Variants in ZSCAN5B observed in about 807,000 individuals in gnomAD.
The protein encoded by ZSCAN5B is zinc finger and SCAN domain-containing protein 5B.
ZSCAN5B carries 26 observed loss-of-function variants against 25.2 expected under a neutral mutation model. The observed-to-expected ratio is 1.03, with a 90% CI of 0.76 to 1.43. The LOEUF is 1.43. Among genes scored for constraint, ZSCAN5B ranks in the 40% most tolerant of loss-of-function variants. ZSCAN5B has a pLI of 0.00. For missense variants in ZSCAN5B, 745 were observed against 622.1 expected (o/e 1.20, Z -2.10); for synonymous variants, 244 against 240.9 (o/e 1.01, Z -0.12).
intron 1 of ZSCAN5B, among the ~76,000 whole-genome samples, chr19:56,197,079 G>C (rs1177814523): frequency 6.6e-6 from 1 of 152,066 alleles, no homozygotes; most frequent in Non-Finnish European, 1.5e-5. Context: ...GGAGTTCCAG[G>C]CCAGCCTGGG....
At chr19:56,194,798 G>T (rs887142400) in intron 1 of ZSCAN5B, among the ~76,000 whole-genome samples, 1 of 151,954 alleles carries the variant, frequency 6.6e-6, no homozygotes, top group Admixed American at 6.6e-5. Context: ...GTACAGACAG[G>T]GTTTCACCAT....
rs1455934397 is a variant in ZSCAN5B, at chr19:56,190,480, C to A, written c.835G>T (p.Glu279Ter). Residue 279 changes from glutamate (E) to a stop codon, truncating the protein, a stop_gained, in exon 5 of 5, where the codon GAA becomes TAA. Coordinates refer to ENST00000586855, the Ensembl canonical transcript of ZSCAN5B. LOFTEE classifies it low-confidence loss of function (END_TRUNC). ...CTGTTCCCGCTGTGAGTCAAAGCTT[C>A]TCTCTCCACAACGCAGGCAGAAGGT... is the stretch of plus-strand genomic sequence containing the variant. The A allele has an allele frequency of 6.2e-7, 1 of 1,613,934 alleles. No individual in the cohort carries two copies. Among genetic ancestry groups the A allele is most frequent in the Non-Finnish European group, 8.5e-7 (1 of 1,179,966 alleles).
chr19:56,190,663 C>T (rs941855794), intron 4 of ZSCAN5B, 88 bp from the exon 5 acceptor site: 15 of 1,557,552 alleles, frequency 9.6e-6, no homozygotes, highest in Middle Eastern at 1.7e-4. Context: ...CTGACCTTGG[C>T]TGAGAACTTC....
chr19:56,192,784 T>A (rs1390474261), exon 2 of ZSCAN5B: 5 of 1,611,424 alleles, frequency 3.1e-6, no homozygotes, highest in Non-Finnish European at 4.2e-6. Flanking sequence ...CATGAACTGC[T>A]CCATCACCAG....
At chr19:56,197,322 C>T (rs2032823256) in intron 1 of ZSCAN5B, among the ~76,000 whole-genome samples, 1 of 151,604 alleles carries the variant, frequency 6.6e-6, no homozygotes, top group Admixed American at 6.6e-5. Context: ...ACCCTAACCT[C>T]TGCCTCCTGG....
chr19:56,190,119 C>G (rs202218504), exon 5 of ZSCAN5B: 2 of 1,613,872 alleles, frequency 1.2e-6, no homozygotes, highest in East Asian at 4.5e-5. Flanking sequence ...CTGGTGAACT[C>G]GGAGGTCTGA....
chr19:56,194,400 C>T lies in ZSCAN5B; in HGVS notation c.-127-1221G>A, dbSNP rs560405648. 2.0e-5 allele frequency among the ~76,000 whole-genome samples: 3 copies of T among 152,214 alleles called. No homozygotes were observed. The South Asian group carries it at 6.2e-4, about 32-fold the overall frequency. On this transcript the variant is annotated intron_variant, in intron 1 of 4. Coordinates refer to ENST00000586855, the Ensembl canonical transcript of ZSCAN5B. The stretch of plus-strand genomic sequence containing the variant: ...CCTCAACCTGGGCTCCAGTGATCCT[C>T]CCACCTCAGCTTCCCAAGTAGCTGG...
rs1211141428 is a variant in ZSCAN5B at position 56,190,801 on chromosome 19, G to A, written c.739+36C>T. 3.1e-6 allele frequency: 5 copies of A among 1,606,214 alleles called. No homozygotes were observed. The Admixed American group carries it at 5.1e-5, about 17-fold the overall frequency. On this transcript the variant is annotated intron_variant, in intron 4 of 4. Coordinates refer to ENST00000586855, the Ensembl canonical transcript of ZSCAN5B. The stretch of plus-strand genomic sequence containing the variant: ...CCCAGCCCCGCACCCCAGAAGAGAG[G>A]GACTAACCCCTGTGGATCCAAGTCT...
chr19:56,196,638 C>T (rs1047801620), intron 1 of ZSCAN5B, among the ~76,000 whole-genome samples: 1 of 152,114 alleles, frequency 6.6e-6, no homozygotes. Flanking sequence ...AGGCCTGGTG[C>T]GATGGCTCAC....
chr19:56,197,099 A>G (rs1427601084), intron 1 of ZSCAN5B, among the ~76,000 whole-genome samples: 1 of 152,192 alleles, frequency 6.6e-6, no homozygotes, highest in African/African-American at 2.4e-5. Flanking sequence ...GAAATGAGCG[A>G]GACCCCGTCT....
In ZSCAN5B at chr19:56,191,957, C is replaced by T. The variant is rs745673351; in HGVS notation, c.481G>A (p.Val161Met). 9.9e-6 allele frequency: 16 copies of T among 1,614,054 alleles called. No individual in the cohort carries two copies. Among genetic ancestry groups the T allele is most frequent in the Admixed American group, 1.7e-5 (1 of 60,020 alleles). Residue 161 changes from valine (V) to methionine (M), a missense_variant, in exon 3 of 5, where the codon GTG (valine) becomes ATG (methionine). By Grantham distance (21) the Val-to-Met change is conservative. Transcript: ENST00000586855. Reference sequence around the variant, plus strand: ...ACAGAGGAGGCCCACTGGCTGGACACGTCTCTCGGATCATCTCTGACACTG... The same window carrying T: ...ACAGAGGAGGCCCACTGGCTGGACATGTCTCTCGGATCATCTCTGACACTG...
At chr19:56,196,299 G>C (rs540264692) in intron 1 of ZSCAN5B, among the ~76,000 whole-genome samples, 1 of 152,112 alleles carries the variant, frequency 6.6e-6, no homozygotes, top group East Asian at 1.9e-4. Flanking sequence ...TGATCCCTAT[G>C]CCTCGGCCTC....
At chr19:56,189,848 G>C in exon 5 of ZSCAN5B, 1 of 1,609,632 alleles carries the variant, frequency 6.2e-7, no homozygotes, top group South Asian at 1.1e-5. Context: ...TGGTTTCCCG[G>C]TGTGTTTTCA....
chr19:56,194,535 T>G (rs1184622108), intron 1 of ZSCAN5B, among the ~76,000 whole-genome samples: 2 of 152,058 alleles, frequency 1.3e-5, no homozygotes, highest in African/African-American at 4.8e-5. Context: ...GCTCAAGCGA[T>G]GCGCTTGCTT....
exon 2 of ZSCAN5B, chr19:56,192,954 A>G: frequency 6.2e-7 from 1 of 1,613,252 alleles, no homozygotes; most frequent in African/African-American, 1.3e-5. Context: ...CGTGATTTCC[A>G]AGTTGAGTTT....
At chr19:56,190,864 G>A in exon 4 of ZSCAN5B, 2 of 1,614,122 alleles carry the variant, frequency 1.2e-6, no homozygotes, top group African/African-American at 1.3e-5. Context: ...TGAGGCTCTG[G>A]GGATGACAGT....
In ZSCAN5B at chr19:56,193,072, A is replaced by C. The variant is rs1474328436; in HGVS notation, c.-20T>G. 3 of 1,522,768 alleles carry C rather than the reference A, an allele frequency of 2.0e-6. No homozygotes were observed. Among genetic ancestry groups the C allele is most frequent in the South Asian group, 2.5e-5 (2 of 79,836 alleles). The allele number at this position is 1,522,768 out of a possible 1,614,324, so 94.3% of individuals were successfully genotyped here. A position where few individuals can be genotyped will look rare whatever the true frequency, so the allele number is the denominator to read the frequency against. On this transcript the variant is annotated 5_prime_UTR_variant, in exon 2 of 5. It adds an upstream start codon to the 5' untranslated region. Coordinates refer to ENST00000586855, the Ensembl canonical transcript of ZSCAN5B. ...AGCCATATCTACTGGAGAATATTTC[A>C]ATCAGCCTCTGAGCAAGCTCTTCCA...
At chr19:56,193,382 G>T (rs2032766250) in intron 1 of ZSCAN5B, among the ~76,000 whole-genome samples, 1 of 152,172 alleles carries the variant, frequency 6.6e-6, no homozygotes, top group Non-Finnish European at 1.5e-5. Context: ...ATCTCTAGGG[G>T]ATCATTGTGC....
rs748157897 is a variant in ZSCAN5B at position 56,192,055 on chromosome 19, T to C, written c.385-2A>G. The C allele has an allele frequency of 6.2e-7, 1 of 1,608,836 alleles. No homozygotes were observed. Among genetic ancestry groups the C allele is most frequent in the Non-Finnish European group, 8.5e-7 (1 of 1,177,706 alleles). The stretch of plus-strand genomic sequence containing the variant: ...TTTGCCGAGCAAGTTGACTATAGAC[T>C]GTAGAGAGAAAAAAGACAATCAGAC... On this transcript the variant is annotated splice_acceptor_variant, in intron 2 of 4. Coordinates refer to ENST00000586855, the Ensembl canonical transcript of ZSCAN5B. LOFTEE classifies it high-confidence loss of function.
Sources: gnomAD v4.1 joint callset for allele counts (sites outside exome capture counted in the v4.1 genomes callset) on GRCh38, gnomAD v4.1.1 for gene constraint, MANE v1.5 for transcripts, NCBI Gene and HGNC (gene_info 2026-07-23, HGNC 2026-07-21) for gene names.